Variants in ATF6 observed in about 807,000 individuals in gnomAD.
ATF6 encodes activating transcription factor 6.
A neutral mutation model predicts 83.6 loss-of-function variants in ATF6; 53 were observed. The ratio of observed to expected loss-of-function variants is 0.63; its 90% CI spans 0.51 to 0.80. The LOEUF (loss-of-function observed/expected upper bound fraction) is 0.80. Among genes scored for constraint, ATF6 ranks in the 30% least tolerant of loss-of-function variants. The pLI, the probability that ATF6 is intolerant of heterozygous loss-of-function variation, is 0.00. For missense variants in ATF6, 744 were observed against 797.9 expected (o/e 0.93, Z 0.81); for synonymous variants, 288 against 285.8 (o/e 1.01, Z -0.08).
chr1:161,796,680 A>G (rs1685028324), intron 6 of ATF6, among the ~76,000 whole-genome samples: 1 of 152,206 alleles, frequency 6.6e-6, no homozygotes, highest in African/African-American at 2.4e-5. Flanking sequence ...TTTTCTCAGT[A>G]CACAGAAGCT....
intron 15 of ATF6, among the ~76,000 whole-genome samples, chr1:161,941,192 G>C (rs1193348375): frequency 6.6e-5 from 10 of 152,078 alleles, no homozygotes; most frequent in Non-Finnish European, 4.4e-5. Flanking sequence ...GAATCTGCTG[G>C]GCTATATATT....
intron 9 of ATF6, among the ~76,000 whole-genome samples, chr1:161,835,695 GA>G (rs1465499540): frequency 1.3e-5 from 2 of 152,108 alleles, no homozygotes; most frequent in Non-Finnish European, 2.9e-5. Flanking sequence ...TCATATACTT[GA>G]GGACATTTAT....
chr1:161,833,728 C>G (rs917920921), intron 9 of ATF6, among the ~76,000 whole-genome samples: 1 of 152,172 alleles, frequency 6.6e-6, no homozygotes, highest in East Asian at 1.9e-4. Context: ...AAGAAACGAA[C>G]AAAGCCTCCA....
At chr1:161,773,615 A>G (rs1240054429) in intron 1 of ATF6, among the ~76,000 whole-genome samples, 1 of 152,200 alleles carries the variant, frequency 6.6e-6, no homozygotes, top group Non-Finnish European at 1.5e-5. Context: ...TGCTAAACCC[A>G]GTGACTGTGT....
At chr1:161,896,759 T>G (rs1687684611) in intron 14 of ATF6, among the ~76,000 whole-genome samples, 1 of 152,234 alleles carries the variant, frequency 6.6e-6, no homozygotes, top group Non-Finnish European at 1.5e-5. Flanking sequence ...GTGAAGTATT[T>G]AGAATTTCTT....
At chr1:161,954,170 A>G (rs1032410947) in intron 15 of ATF6, among the ~76,000 whole-genome samples, 3 of 152,230 alleles carry the variant, frequency 2.0e-5, no homozygotes, top group African/African-American at 7.2e-5. Flanking sequence ...AGAATGGCAC[A>G]GTAGAGTTAA....
At chr1:161,907,079 T>C (rs1273755802) in intron 14 of ATF6, among the ~76,000 whole-genome samples, 4 of 152,232 alleles carry the variant, frequency 2.6e-5, no homozygotes, top group African/African-American at 4.8e-5. Context: ...ATTGCTTTAA[T>C]GAATGAGCAC....
At chr1:161,858,435 T>G (rs1686810836) in intron 12 of ATF6, among the ~76,000 whole-genome samples, 1 of 152,142 alleles carries the variant, frequency 6.6e-6, no homozygotes. Context: ...TGAAAAAGGA[T>G]GTATGCCATG....
At chr1:161,834,227 GGCCT>G (rs1415144621) in intron 9 of ATF6, among the ~76,000 whole-genome samples, 1 of 152,090 alleles carries the variant, frequency 6.6e-6, no homozygotes, top group Admixed American at 6.5e-5. Context: ...GTCACCACCA[GGCCT>G]GCCCTACAAG....
intron 10 of ATF6, among the ~76,000 whole-genome samples, chr1:161,848,930 G>T (rs1366131313): frequency 2.7e-5 from 4 of 149,866 alleles, no homozygotes; most frequent in Admixed American, 6.7e-5. Context: ...TCTCCTATCA[G>T]ACTTTTTTTT....
At chr1:161,828,973 G>A (rs1346566228) in intron 9 of ATF6, among the ~76,000 whole-genome samples, 1 of 152,066 alleles carries the variant, frequency 6.6e-6, no homozygotes, top group Non-Finnish European at 1.5e-5. Flanking sequence ...AAAAGGCAGG[G>A]GTTGCAATCC....
chr1:161,868,487 A>G (rs1687057418), intron 14 of ATF6, among the ~76,000 whole-genome samples: 1 of 152,022 alleles, frequency 6.6e-6, no homozygotes, highest in African/African-American at 2.4e-5. Context: ...CTTCTCATCT[A>G]TATGATAAGC....
chr1:161,822,379 G>A (rs1213813053), intron 9 of ATF6, among the ~76,000 whole-genome samples: 1 of 152,150 alleles, frequency 6.6e-6, no homozygotes, highest in Non-Finnish European at 1.5e-5. Flanking sequence ...CTTGGGCAGT[G>A]GTATCACATG....
rs759769528 is a variant in ATF6 at position 161,773,140 on chromosome 1, A to ATTTTTTTTTTTTTTT, written c.83-5091_83-5090insTTTTTTTTTTTTTTT. ...GCCACCATGCCCGGCTACTTTTTGTATTTTTTTTTTTTTGAGACGGAGTCT... is the reference window on the plus strand; with the variant it reads ...GCCACCATGCCCGGCTACTTTTTGTATTTTTTTTTTTTTTTTTTTTTTTTTTTTGAGACGGAGTCT... On this transcript the variant is annotated intron_variant, in intron 1 of 15. Coordinates refer to ENST00000367942, the MANE Select transcript of ATF6 (RefSeq NM_007348.4). 4.5e-4 allele frequency among the ~76,000 whole-genome samples: 59 copies of ATTTTTTTTTTTTTTT among 130,044 alleles called. 2 individuals carry two copies. The Middle Eastern group carries it at 0.012, about 26-fold the overall frequency. The allele number at this position is 130,044 out of a possible 152,430, so 85.3% of individuals were successfully genotyped here.
intron 15 of ATF6, among the ~76,000 whole-genome samples, chr1:161,952,428 C>T (rs1688883560): frequency 6.6e-6 from 1 of 152,056 alleles, no homozygotes; most frequent in African/African-American, 2.4e-5. Flanking sequence ...TCACCCCACA[C>T]TCAATCCCTA....
chr1:161,791,960 C>T (rs946891127), intron 5 of ATF6, among the ~76,000 whole-genome samples, 164 bp from the exon 6 acceptor site: 2 of 152,192 alleles, frequency 1.3e-5, no homozygotes, highest in African/African-American at 4.8e-5. Flanking sequence ...TACTTTTCTT[C>T]AGTTCATTCA....
At chr1:161,820,516 G>A (rs1438837892) in intron 8 of ATF6, among the ~76,000 whole-genome samples, 2 of 152,160 alleles carry the variant, frequency 1.3e-5, no homozygotes, top group East Asian at 1.9e-4. Flanking sequence ...ACTTTGGGAC[G>A]CTGAGGCAGG....
At chr1:161,808,401 G>GT (rs1685356030) in intron 7 of ATF6, among the ~76,000 whole-genome samples, 6 of 152,020 alleles carry the variant, frequency 3.9e-5, no homozygotes, top group African/African-American at 1.4e-4. Flanking sequence ...GCATTCTTCT[G>GT]GAGACAGTTC....
intron 7 of ATF6, 124 bp from the exon 8 acceptor site, chr1:161,819,509 A>G (rs1685698132): frequency 1.5e-6 from 1 of 660,296 alleles, no homozygotes. Flanking sequence ...CTCTTTTGAA[A>G]CAACTAGTAA....
Sources: allele counts gnomAD v4.1 joint callset (sites outside exome capture counted in the v4.1 genomes callset), GRCh38; gene constraint gnomAD v4.1.1; transcripts MANE v1.5; gene names NCBI Gene and HGNC (gene_info 2026-07-23, HGNC 2026-07-21).